Variants in LINGO2 observed in about 807,000 individuals in gnomAD.
LINGO2 encodes leucine rich repeat and Ig domain containing 2.
A neutral mutation model predicts 30.6 loss-of-function variants in LINGO2; 14 were observed. The observed-to-expected ratio is 0.46, with a 90% confidence interval of 0.30 to 0.72. LINGO2 has a LOEUF of 0.72. Among genes scored for constraint, LINGO2 ranks in the 30% least tolerant of loss-of-function variants. The pLI is 0.07. For synonymous variants in LINGO2, 317 were observed against 288.5 expected (o/e 1.10, Z -1.00); for missense variants, 729 against 751.7 (o/e 0.97, Z 0.35).
At chr9:28,201,842 C>T (rs373530894) in intron 4 of LINGO2, among the ~76,000 whole-genome samples, 1 of 151,942 alleles carries the variant, frequency 6.6e-6, no homozygotes, top group Non-Finnish European at 1.5e-5. Context: ...AATTCCTCTA[C>T]AACCTTCATA....
At chr9:28,055,249 C>T (rs1824871266) in intron 4 of LINGO2, among the ~76,000 whole-genome samples, 2 of 152,052 alleles carry the variant, frequency 1.3e-5, no homozygotes, top group East Asian at 3.9e-4. Flanking sequence ...AAGGTAGAAG[C>T]CTCAAACTGA....
At chr9:29,096,728 T>C in the LINGO2 span, among the ~76,000 whole-genome samples, 1 of 140,626 alleles carries the variant, frequency 7.1e-6, no homozygotes, top group African/African-American at 2.7e-5. Flanking sequence ...CAAAATGTTC[T>C]TTAGCATTTG....
chr9:28,924,405 G>A, the LINGO2 span, among the ~76,000 whole-genome samples: 1 of 152,030 alleles, frequency 6.6e-6, no homozygotes, highest in African/African-American at 2.4e-5. Flanking sequence ...ATTTTTTGTA[G>A]AGACAGGATT....
At chr9:28,564,523 A>C (rs1175719849) in intron 1 of LINGO2, among the ~76,000 whole-genome samples, 2 of 152,066 alleles carry the variant, frequency 1.3e-5, no homozygotes, top group Non-Finnish European at 2.9e-5. Flanking sequence ...TTCATACAGC[A>C]AGCAGAGGAA....
intron 3 of LINGO2, among the ~76,000 whole-genome samples, chr9:28,364,342 G>GTT (rs11387618): frequency 2.5e-4 from 37 of 146,900 alleles, no homozygotes; most frequent in East Asian, 6.0e-4. Context: ...GTTAGCTTTA[G>GTT]TTTTTTTTTT....
At chr9:28,692,829 G>A in the LINGO2 span, among the ~76,000 whole-genome samples, 1 of 152,042 alleles carries the variant, frequency 6.6e-6, no homozygotes, top group Non-Finnish European at 1.5e-5. Flanking sequence ...ATAGAACAGT[G>A]GGTGTCAATA....
chr9:28,956,531 C>T, the LINGO2 span, among the ~76,000 whole-genome samples: 3 of 151,874 alleles, frequency 2.0e-5, no homozygotes, highest in Non-Finnish European at 2.9e-5. Context: ...CTAGAAGATG[C>T]TAACATAATC....
At chr9:28,591,052 G>A (rs1484978324) in intron 1 of LINGO2, among the ~76,000 whole-genome samples, 1 of 151,840 alleles carries the variant, frequency 6.6e-6, no homozygotes, top group East Asian at 2.0e-4. Flanking sequence ...GCAAACTATT[G>A]CAAGGACAAA....
intron 4 of LINGO2, among the ~76,000 whole-genome samples, chr9:28,190,207 T>C (rs960106651): frequency 1.3e-5 from 2 of 152,126 alleles, no homozygotes; most frequent in African/African-American, 4.8e-5. Flanking sequence ...TGTCCATAAA[T>C]GGGCTTTAAG....
At chr9:29,012,971 T>A in the LINGO2 span, among the ~76,000 whole-genome samples, 2 of 152,210 alleles carry the variant, frequency 1.3e-5, no homozygotes, top group Admixed American at 6.6e-5. Flanking sequence ...ATCTAGTTCA[T>A]CTTCTTGCTT....
chr9:28,023,382 C>T (rs2119392011), intron 4 of LINGO2, among the ~76,000 whole-genome samples: 1 of 152,184 alleles, frequency 6.6e-6, no homozygotes, highest in East Asian at 1.9e-4. Flanking sequence ...CTTCAAATTC[C>T]TGTAATATCC....
chr9:28,337,124 G>T (rs1057114317), intron 3 of LINGO2, among the ~76,000 whole-genome samples: 27 of 149,678 alleles, frequency 1.8e-4, no homozygotes, highest in African/African-American at 5.8e-4. Context: ...TGTATATAGA[G>T]AAATTCCTGA....
At chr9:28,170,347 C>G (rs1030854528) in intron 4 of LINGO2, among the ~76,000 whole-genome samples, 1 of 152,118 alleles carries the variant, frequency 6.6e-6, no homozygotes, top group Non-Finnish European at 1.5e-5. Flanking sequence ...GAAATAGAAA[C>G]AGCTTCCACC....
intron 4 of LINGO2, among the ~76,000 whole-genome samples, chr9:28,026,900 C>G (rs1340651072): frequency 6.6e-6 from 1 of 152,132 alleles, no homozygotes; most frequent in African/African-American, 2.4e-5. Context: ...TCTCAGTATT[C>G]AAGGCTTTTT....
chr9:28,554,591 G>A (rs10812841), intron 1 of LINGO2, among the ~76,000 whole-genome samples: 64,372 of 127,586 alleles, frequency 0.5, 16,522 homozygotes, highest in East Asian at 0.69. Context: ...ACAGATCAAC[G>A]AGACAGAAAG....
the LINGO2 span, among the ~76,000 whole-genome samples, chr9:28,850,513 T>G: frequency 6.6e-6 from 1 of 151,904 alleles, no homozygotes; most frequent in Admixed American, 6.6e-5. Flanking sequence ...TTCTGGTCCA[T>G]GAACTATGGA....
At chr9:28,812,983 T>G in the LINGO2 span, among the ~76,000 whole-genome samples, 1 of 151,882 alleles carries the variant, frequency 6.6e-6, no homozygotes, top group Admixed American at 6.6e-5. Context: ...TTCTAAGAAT[T>G]AGACATATAC....
chr9:28,377,185 G>A (rs1196698144), intron 2 of LINGO2, among the ~76,000 whole-genome samples: 1 of 152,074 alleles, frequency 6.6e-6, no homozygotes, highest in Non-Finnish European at 1.5e-5. Context: ...AAGTATGCCT[G>A]CTTCCCCTTC....
At chr9:29,132,764 G>A in the LINGO2 span, among the ~76,000 whole-genome samples, 2 of 152,138 alleles carry the variant, frequency 1.3e-5, no homozygotes, top group South Asian at 4.1e-4. Flanking sequence ...ACACTTGCTA[G>A]TTCAGATCTT....
Sources: allele counts gnomAD v4.1 joint callset (sites outside exome capture counted in the v4.1 genomes callset), GRCh38; gene constraint gnomAD v4.1.1; transcripts MANE v1.5; gene names NCBI Gene and HGNC (gene_info 2026-07-23, HGNC 2026-07-21).